Variants in BBX observed in about 807,000 individuals in gnomAD.
BBX encodes HMG box transcription factor BBX.
BBX carries 30 observed loss-of-function variants against 100.2 expected under a neutral mutation model. The ratio of observed to expected loss-of-function variants is 0.30; its 90% CI spans 0.22 to 0.41. The LOEUF (loss-of-function observed/expected upper bound fraction) is 0.41, where lower values mean the gene tolerates loss of function less well. Ranked by LOEUF, BBX falls within the 10% of genes least tolerant of loss-of-function variation. The pLI, the probability that BBX is intolerant of heterozygous loss-of-function variation, is 1.00. For synonymous variants in BBX, 376 were observed against 388.1 expected, an observed-to-expected ratio of 0.97 and a Z score of 0.37; for missense variants, 1,023 against 1,129.8, an observed-to-expected ratio of 0.91 and a Z score of 1.35.
chr3:107,540,047 G>A (rs1023283991), intron 2 of BBX, among the ~76,000 whole-genome samples: 3 of 152,146 alleles, frequency 2.0e-5, no homozygotes, highest in Non-Finnish European at 4.4e-5. Flanking sequence ...GACAATTTTT[G>A]TTCACTGTTT....
chr3:107,629,059 GGT>G (rs1487751026), intron 2 of BBX, among the ~76,000 whole-genome samples: 1 of 144,130 alleles, frequency 6.9e-6, no homozygotes, highest in Non-Finnish European at 1.5e-5. Context: ...CAATTTCTAA[GGT>G]AGTTAGTTAA....
intron 2 of BBX, among the ~76,000 whole-genome samples, chr3:107,622,171 C>T (rs922701521): frequency 2.6e-5 from 4 of 152,164 alleles, no homozygotes; most frequent in Admixed American, 2.0e-4. Flanking sequence ...TGGGGGCATG[C>T]CATATAAACG....
At chr3:107,558,676 C>T (rs538286122) in intron 2 of BBX, among the ~76,000 whole-genome samples, 1 of 152,106 alleles carries the variant, frequency 6.6e-6, no homozygotes, top group South Asian at 2.1e-4. Flanking sequence ...GTGGGTATGC[C>T]AATTAGGTAA....
intron 2 of BBX, among the ~76,000 whole-genome samples, chr3:107,543,455 G>A (rs2049000793): frequency 6.6e-6 from 1 of 152,190 alleles, no homozygotes; most frequent in African/African-American, 2.4e-5. Flanking sequence ...AAACCAAAAT[G>A]TTATGTATTG....
At chr3:107,542,032 A>G (rs1244314384) in intron 2 of BBX, among the ~76,000 whole-genome samples, 1 of 152,188 alleles carries the variant, frequency 6.6e-6, no homozygotes, top group Non-Finnish European at 1.5e-5. Context: ...ACTCCGTAGT[A>G]AAGGAGGTTC....
At chr3:107,727,761 T>C (rs2063062467) in intron 5 of BBX, among the ~76,000 whole-genome samples, 1 of 152,148 alleles carries the variant, frequency 6.6e-6, no homozygotes, top group Non-Finnish European at 1.5e-5. Context: ...TTTTTCAAAC[T>C]ATTGGGTAAA....
chr3:107,598,149 T>C (rs879767409), intron 2 of BBX, among the ~76,000 whole-genome samples: 1 of 152,206 alleles, frequency 6.6e-6, no homozygotes, highest in African/African-American at 2.4e-5. Context: ...GTGATAGTCA[T>C]TGGCGTATTT....
chr3:107,746,171 A>G (rs2064583979), intron 8 of BBX, among the ~76,000 whole-genome samples: 1 of 152,182 alleles, frequency 6.6e-6, no homozygotes, highest in South Asian at 2.1e-4. Flanking sequence ...ATTTAGGTAT[A>G]ACCTACAATA....
intron 2 of BBX, among the ~76,000 whole-genome samples, chr3:107,617,262 A>G (rs1440099178): frequency 1.3e-5 from 2 of 152,160 alleles, no homozygotes; most frequent in African/African-American, 4.8e-5. Context: ...CTGATCGTCC[A>G]CTGATACTAC....
chr3:107,791,539 C>T (rs903913674), intron 15 of BBX, among the ~76,000 whole-genome samples: 22 of 152,172 alleles, frequency 1.4e-4, no homozygotes, highest in Admixed American at 1.2e-3. Flanking sequence ...ACCTTTGAAT[C>T]GCATTAATCA....
chr3:107,579,011 G>A (rs1200007277), intron 2 of BBX, among the ~76,000 whole-genome samples: 1 of 152,064 alleles, frequency 6.6e-6, no homozygotes, highest in Non-Finnish European at 1.5e-5. Flanking sequence ...GTCATTCCTT[G>A]GGCCCTGAGG....
chr3:107,565,098 G>A (rs971452571), intron 2 of BBX, among the ~76,000 whole-genome samples: 1 of 152,022 alleles, frequency 6.6e-6, no homozygotes, highest in Non-Finnish European at 1.5e-5. Context: ...ATGATAAAGG[G>A]GATTTGTTTT....
Position 107,640,621 on chromosome 3 carries a change from A to T in BBX, c.-83-5215A>T, listed in dbSNP as rs539675384. On this transcript the variant is annotated intron_variant, in intron 2 of 17. Coordinates refer to ENST00000325805, the MANE Select transcript of BBX (RefSeq NM_001142568.3). The stretch of plus-strand genomic sequence containing the variant: ...GTATGTGATCACCCAACTAGATCTC[A>T]TCAGCTTTAAGAAAGCAGTAACTAT... 2.0e-5 allele frequency among the ~76,000 whole-genome samples: 3 copies of T among 151,902 alleles called. No homozygotes were observed. The South Asian group carries it at 6.2e-4, about 31-fold the overall frequency.
At chr3:107,558,906 C>CG (rs919282226) in intron 2 of BBX, among the ~76,000 whole-genome samples, 4 of 151,920 alleles carry the variant, frequency 2.6e-5, no homozygotes, top group Non-Finnish European at 4.4e-5. Context: ...TGCTTCTGAC[C>CG]GGGGGGAAAA....
Position 107,721,051 on chromosome 3 carries a change from C to T in BBX, c.405+4202C>T, listed in dbSNP as rs560365207. Among the ~76,000 whole-genome samples the T allele has an allele frequency of 2.0e-5, 3 of 152,164 alleles. No individual in the cohort carries two copies. The South Asian group carries it at 6.2e-4, about 32-fold the overall frequency. On this transcript the variant is annotated intron_variant, in intron 5 of 17. Transcript: ENST00000325805. ...CTATTAGAGTAGCACCTCATTTATCCAGCATTCTGAGAAACAGCTGCTATA... is the reference window on the plus strand; with the variant it reads ...CTATTAGAGTAGCACCTCATTTATCTAGCATTCTGAGAAACAGCTGCTATA...
intron 2 of BBX, among the ~76,000 whole-genome samples, chr3:107,564,394 T>G (rs903393341): frequency 6.6e-6 from 1 of 152,242 alleles, no homozygotes; most frequent in Non-Finnish European, 1.5e-5. Flanking sequence ...GTTGACAGTT[T>G]GCAGGTAGTC....
chr3:107,539,053 G>C (rs1223042777), intron 2 of BBX, among the ~76,000 whole-genome samples: 2 of 152,132 alleles, frequency 1.3e-5, no homozygotes, highest in Non-Finnish European at 2.9e-5. Flanking sequence ...GCCTCTCAAA[G>C]TGCTGAGATT....
chr3:107,773,695 G>C lies in BBX; in HGVS notation c.1915+59G>C. 1 of 1,474,164 alleles carries C rather than the reference G, an allele frequency of 6.8e-7. No homozygotes were observed. The highest frequency in any genetic ancestry group is 2.3e-5 in the East Asian group (1 of 43,588). 91.3% of individuals were successfully genotyped at this position (1,474,164 alleles called of 1,614,324 possible). ...AAAACCAAACAGAATTTCACCTTTA[G>C]ACCTATTGAAAACAACTGCCATAAA... is the stretch of plus-strand genomic sequence containing the variant. On this transcript the variant is annotated intron_variant, in intron 11 of 17. Coordinates refer to ENST00000325805, the MANE Select transcript of BBX (RefSeq NM_001142568.3). The surrounding 1 kb of genome is among the most constrained non-coding windows in gnomAD (Gnocchi z 4.1).
At chr3:107,714,980 T>G (rs1051467522) in intron 4 of BBX, among the ~76,000 whole-genome samples, 1 of 152,044 alleles carries the variant, frequency 6.6e-6, no homozygotes, top group Non-Finnish European at 1.5e-5. Context: ...GAGACAGGGC[T>G]TCACCATGTT....
Sources: allele counts gnomAD v4.1 joint callset (sites outside exome capture counted in the v4.1 genomes callset), GRCh38; gene constraint gnomAD v4.1.1; non-coding constraint Gnocchi (gnomAD v3.1); transcripts MANE v1.5; gene names NCBI Gene and HGNC (gene_info 2026-07-23, HGNC 2026-07-21).